KIF6: variants seen among roughly 807,000 people sequenced by gnomAD.
KIF6 encodes the protein kinesin-like protein KIF6.
In KIF6, 106 loss-of-function variants were observed where a neutral mutation model predicts 112.7. The observed-to-expected ratio is 0.94, with a 90% CI of 0.80 to 1.11. The LOEUF is 1.11. KIF6 is among the 50% of genes least tolerant of loss of function. The pLI, the probability that KIF6 is intolerant of heterozygous loss-of-function variation, is 0.00. For synonymous variants in KIF6, 339 were observed against 339.9 expected (o/e 1.00, Z 0.03); for missense variants, 929 against 964.0 (o/e 0.96, Z 0.48).
At chr6:39,662,858 G>GC (rs1786243653) in intron 3 of KIF6, among the ~76,000 whole-genome samples, 1 of 151,840 alleles carries the variant, frequency 6.6e-6, no homozygotes, top group Non-Finnish European at 1.5e-5. Context: ...ACATGGAGTT[G>GC]TTTATTCAAC....
At position 39,508,563 on chromosome 6, in the gene KIF6, C is replaced by T. The variant is rs966533099; in HGVS notation, c.1645+31440G>A. Among the ~76,000 whole-genome samples the T allele has an allele frequency of 7.2e-5, 11 of 152,146 alleles. No individual in the cohort carries two copies. In the East Asian group the frequency reaches 7.7e-4, roughly 11 times the overall value. Reference sequence around the variant, plus strand: ...AATGGCAGACCCGGAGATTCCCTCCCGTGGCTGGCTCGGTGGGTCCCATGC... The same window carrying T: ...AATGGCAGACCCGGAGATTCCCTCCTGTGGCTGGCTCGGTGGGTCCCATGC... On this transcript the variant is annotated intron_variant, in intron 13 of 22. Coordinates refer to ENST00000287152, the MANE Select transcript of KIF6 (RefSeq NM_145027.6).
At chr6:39,442,645 T>C (rs1771989431) in intron 13 of KIF6, among the ~76,000 whole-genome samples, 2 of 152,226 alleles carry the variant, frequency 1.3e-5, no homozygotes, top group African/African-American at 4.8e-5. Flanking sequence ...GTCTTTTCTA[T>C]TGATTTTAGC....
chr6:39,456,587 A>C (rs953872600), intron 13 of KIF6, among the ~76,000 whole-genome samples: 1 of 123,542 alleles, frequency 8.1e-6, no homozygotes, highest in Non-Finnish European at 1.6e-5. Context: ...AGTTGGATAA[A>C]GAGTCAAGAC....
chr6:39,625,024 T>C (rs1372450871), intron 5 of KIF6, among the ~76,000 whole-genome samples: 1 of 146,236 alleles, frequency 6.8e-6, no homozygotes, highest in African/African-American at 2.5e-5. Context: ...ATTAGTATCC[T>C]TATAAGAAGA....
chr6:39,659,157 C>T (rs1785976880), intron 3 of KIF6, among the ~76,000 whole-genome samples: 1 of 152,120 alleles, frequency 6.6e-6, no homozygotes, highest in African/African-American at 2.4e-5. Flanking sequence ...CATGTGGTCT[C>T]CTAACCTGGA....
intron 13 of KIF6, among the ~76,000 whole-genome samples, chr6:39,477,785 C>T (rs4288191): frequency 0.061 from 9,229 of 152,016 alleles, 498 homozygotes; most frequent in East Asian, 0.25. Context: ...GGCTTGATCC[C>T]GGGAGGCGGA....
intron 13 of KIF6, among the ~76,000 whole-genome samples, chr6:39,534,127 A>G (rs1364070543): frequency 6.6e-6 from 1 of 152,222 alleles, no homozygotes; most frequent in East Asian, 1.9e-4. Context: ...CAGAGCAGAA[A>G]AACTGGAAAC....
intron 13 of KIF6, among the ~76,000 whole-genome samples, chr6:39,529,185 T>C (rs910510053): frequency 3.3e-5 from 5 of 152,160 alleles, no homozygotes; most frequent in East Asian, 1.9e-4. Context: ...GTTAAACTTA[T>C]CTGAAACTGA....
chr6:39,614,701 G>T (rs1247603664), intron 5 of KIF6, among the ~76,000 whole-genome samples: 2 of 152,210 alleles, frequency 1.3e-5, no homozygotes, highest in East Asian at 3.9e-4. Flanking sequence ...GAAAACAAGT[G>T]TAATTTATTT....
intron 16 of KIF6, among the ~76,000 whole-genome samples, chr6:39,377,711 A>T (rs980955570): frequency 6.6e-6 from 1 of 152,220 alleles, no homozygotes; most frequent in Non-Finnish European, 1.5e-5. Flanking sequence ...CAACGCAGTG[A>T]AACAGGGAGC....
At chr6:39,395,652 A>G (rs548959260) in intron 15 of KIF6, among the ~76,000 whole-genome samples, 62 of 152,268 alleles carry the variant, frequency 4.1e-4, no homozygotes, top group African/African-American at 1.5e-3. Context: ...TCTGATTTCC[A>G]TCCTTATATC....
intron 13 of KIF6, among the ~76,000 whole-genome samples, chr6:39,507,112 T>C (rs1178269765): frequency 6.6e-6 from 1 of 152,150 alleles, no homozygotes; most frequent in Non-Finnish European, 1.5e-5. Flanking sequence ...TTATAGAAGG[T>C]TAATTAATCA....
At chr6:39,684,743 T>C (rs1187787292) in intron 3 of KIF6, among the ~76,000 whole-genome samples, 1 of 151,568 alleles carries the variant, frequency 6.6e-6, no homozygotes, top group Non-Finnish European at 1.5e-5. Flanking sequence ...TGAGCTGAGA[T>C]TGGACCACTT....
intron 20 of KIF6, among the ~76,000 whole-genome samples, chr6:39,346,101 C>CTCT (rs1562113068): frequency 2.3e-5 from 1 of 42,668 alleles, no homozygotes; most frequent in East Asian, 1.2e-3. Flanking sequence ...CCCTCTCCCT[C>CTCT]CCCCCCTCCC....
chr6:39,422,854 C>G (rs1278270991), intron 14 of KIF6, among the ~76,000 whole-genome samples: 1 of 152,158 alleles, frequency 6.6e-6, no homozygotes, highest in African/African-American at 2.4e-5. Context: ...TCCTGATTAT[C>G]TAAAAGGCGC....
At chr6:39,552,789 G>T (rs1352160102) in intron 10 of KIF6, among the ~76,000 whole-genome samples, 1 of 152,146 alleles carries the variant, frequency 6.6e-6, no homozygotes, top group African/African-American at 2.4e-5. Context: ...GAAATGGTAG[G>T]GGGCAAAGGA....
chr6:39,718,896 A>G (rs1187556425), intron 2 of KIF6, among the ~76,000 whole-genome samples: 2 of 152,206 alleles, frequency 1.3e-5, no homozygotes, highest in Non-Finnish European at 2.9e-5. Context: ...ACTTACTGTA[A>G]AAGACACAAT....
At position 39,372,811 on chromosome 6, in the gene KIF6, G is replaced by T. The variant is rs530095595; in HGVS notation, c.1862-10293C>A. ...TAATTATTTCTCAAATAGATATCAG[G>T]ATTTTCAAAATACCACTTAAAGCTT... is the stretch of plus-strand genomic sequence containing the variant. On this transcript the variant is annotated intron_variant, in intron 16 of 22. Transcript: ENST00000287152. Among the ~76,000 whole-genome samples the T allele has an allele frequency of 4.6e-5, 7 of 152,238 alleles. No individual in the cohort carries two copies. The South Asian group carries it at 6.2e-4, about 14-fold the overall frequency.
At chr6:39,589,791 GT>G (rs1008597100) in intron 7 of KIF6, among the ~76,000 whole-genome samples, 2 of 152,186 alleles carry the variant, frequency 1.3e-5, no homozygotes, top group Non-Finnish European at 1.5e-5. Context: ...TAGTGGTGTG[GT>G]TAGGTGTGTC....
Sources: allele counts gnomAD v4.1 joint callset (sites outside exome capture counted in the v4.1 genomes callset), GRCh38; gene constraint gnomAD v4.1.1; transcripts MANE v1.5; gene names NCBI Gene and HGNC (gene_info 2026-07-23, HGNC 2026-07-21).